Variants in SPAG17 observed in about 807,000 individuals in gnomAD.
SPAG17 encodes sperm-associated antigen 17.
A neutral mutation model predicts 273.6 loss-of-function variants in SPAG17; 169 were observed. The observed-to-expected ratio is 0.62, with a 90% CI of 0.55 to 0.70. The LOEUF is 0.70. Ranked by LOEUF, SPAG17 falls within the 30% of genes least tolerant of loss-of-function variation. SPAG17 has a pLI of 0.00. For synonymous variants in SPAG17, 825 were observed against 873.2 expected (o/e 0.94, Z 0.97); for missense variants, 2,557 against 2,627.8 (o/e 0.97, Z 0.59).
At chr1:118,001,414 C>A (rs968947024) in intron 32 of SPAG17, among the ~76,000 whole-genome samples, 13 of 152,168 alleles carry the variant, frequency 8.5e-5, no homozygotes, top group Admixed American at 6.5e-4. Context: ...CCTTTTTGTG[C>A]CTGTGGTAGA....
At chr1:118,095,934 G>T (rs1042797948) in intron 7 of SPAG17, among the ~76,000 whole-genome samples, 1 of 152,102 alleles carries the variant, frequency 6.6e-6, no homozygotes, top group African/African-American at 2.4e-5. Context: ...TGAAGGGGTG[G>T]GGAGGGGCAA....
At chr1:118,030,894 A>G (rs1648377698) in intron 25 of SPAG17, among the ~76,000 whole-genome samples, 1 of 152,182 alleles carries the variant, frequency 6.6e-6, no homozygotes, top group South Asian at 2.1e-4. Context: ...TAGTGCTACA[A>G]TAAACATACG....
rs1004060023 is a variant in SPAG17 at position 117,981,162 on chromosome 1, G to A, written c.6004+108C>T. 9 of 1,249,270 alleles carry A rather than the reference G, an allele frequency of 7.2e-6. No individual in the cohort carries two copies. The African/African-American group carries it at 9.4e-5, about 13-fold the overall frequency. 77.4% of individuals were successfully genotyped at this position (1,249,270 alleles called of 1,614,324 possible). On this transcript the variant is annotated intron_variant, in intron 43 of 48. Transcript: ENST00000336338. ...TAGCTCCAGGATCCGTGACCCTCTC[G>A]ATTTTTTTCTGTAACTCTCAACCTC...
At chr1:118,060,153 G>C (rs891376939) in intron 18 of SPAG17, among the ~76,000 whole-genome samples, 1 of 151,872 alleles carries the variant, frequency 6.6e-6, no homozygotes, top group Non-Finnish European at 1.5e-5. Flanking sequence ...TTTTTTTGCA[G>C]TGTTATTGTT....
chr1:118,139,252 C>T (rs1231685194), intron 3 of SPAG17, among the ~76,000 whole-genome samples: 1 of 152,086 alleles, frequency 6.6e-6, no homozygotes, highest in African/African-American at 2.4e-5. Context: ...CAAATTAAAA[C>T]CATAATGTGG....
intron 5 of SPAG17, among the ~76,000 whole-genome samples, chr1:118,101,085 G>GCCTA (rs1656036568): frequency 1.3e-5 from 2 of 152,176 alleles, no homozygotes; most frequent in Non-Finnish European, 2.9e-5. Flanking sequence ...TTTGCACTGT[G>GCCTA]TAAATGTGCC....
At position 117,963,869 on chromosome 1, in the gene SPAG17, A is replaced by C; in HGVS notation, c.6602T>G (p.Val2201Gly). 6.2e-7 allele frequency: 1 copy of C among 1,613,980 alleles called. No individual in the cohort carries two copies. The highest frequency in any genetic ancestry group is 8.5e-7 in the Non-Finnish European group (1 of 1,179,874). ...GGAATAAATTGTAGAAGTTCTCTGG[A>C]CCATTGGATTTTCTTTTCCCTGGGG... ...DFPQGKENPMVQRTSTIYSST... is the reference protein window; with the variant it reads ...DFPQGKENPMGQRTSTIYSST... Residue 2201 changes from valine (V) to glycine (G), a missense_variant, in exon 48 of 49, where the codon GTC becomes GGC. By Grantham distance (109) the Val-to-Gly change is moderately radical. Coordinates refer to ENST00000336338, the MANE Select transcript of SPAG17 (RefSeq NM_206996.4).
Position 117,966,360 on chromosome 1 carries a change from G to A in SPAG17, c.6532+249C>T, listed in dbSNP as rs113598797. On this transcript the variant is annotated intron_variant, in intron 47 of 48. Coordinates refer to ENST00000336338, the MANE Select transcript of SPAG17 (RefSeq NM_206996.4). ...GTTTTATTATTCTGTCTGATATTCC[G>A]TAGATAGCCAATAACATTTACATTT... The A allele has an allele frequency of 7.2e-4, 236 of 328,980 alleles. 1 individual carries two copies. The highest frequency in any genetic ancestry group is 4.4e-3 in the African/African-American group (207 of 47,102). 20.4% of individuals were successfully genotyped at this position (328,980 alleles called of 1,614,324 possible).
At chr1:118,096,328 T>C (rs888448257) in intron 7 of SPAG17, among the ~76,000 whole-genome samples, 12 of 150,494 alleles carry the variant, frequency 8.0e-5, no homozygotes, top group Admixed American at 6.7e-4. Flanking sequence ...CAGGCTTTGA[T>C]CTCACTCTTC....
intron 4 of SPAG17, among the ~76,000 whole-genome samples, chr1:118,105,505 G>C (rs1020062665): frequency 1.3e-5 from 2 of 152,126 alleles, no homozygotes; most frequent in African/African-American, 4.8e-5. Context: ...AGAAGAGCAA[G>C]GGGAATCAAG....
chr1:117,997,501 C>G (rs1465931423), intron 32 of SPAG17, among the ~76,000 whole-genome samples: 2 of 149,086 alleles, frequency 1.3e-5, no homozygotes, highest in Non-Finnish European at 3.0e-5. Flanking sequence ...TTGTATAACT[C>G]CAAATCTAAA....
At chr1:118,039,112 G>A (rs539118457) in intron 23 of SPAG17, among the ~76,000 whole-genome samples, 180 bp downstream of exon 23, 5 of 152,184 alleles carry the variant, frequency 3.3e-5, no homozygotes, top group East Asian at 1.9e-4. Flanking sequence ...AAAAGATAAC[G>A]CTTAATATCC....
At chr1:117,997,699 A>C (rs191830226) in intron 32 of SPAG17, among the ~76,000 whole-genome samples, 14 of 152,204 alleles carry the variant, frequency 9.2e-5, no homozygotes, top group African/African-American at 3.1e-4. Context: ...TGTTGCAGCT[A>C]CTCAACTCTG....
chr1:118,055,250 C>T (rs1651533801), intron 19 of SPAG17, among the ~76,000 whole-genome samples: 1 of 152,112 alleles, frequency 6.6e-6, no homozygotes, highest in Non-Finnish European at 1.5e-5. Context: ...CCAAAAATCT[C>T]TTTCCCCATT....
intron 48 of SPAG17, among the ~76,000 whole-genome samples, chr1:117,955,570 G>A (rs1358511974): frequency 2.0e-5 from 3 of 152,004 alleles, no homozygotes; most frequent in African/African-American, 7.2e-5. Context: ...TGCTTTTAAG[G>A]ACAAATAAAG....
chr1:118,063,355 C>CA (rs1402687003), intron 18 of SPAG17, among the ~76,000 whole-genome samples: 13 of 152,112 alleles, frequency 8.5e-5, no homozygotes, highest in African/African-American at 3.1e-4. Context: ...CTACAGTAAC[C>CA]AAAACAGCAT....
intron 19 of SPAG17, among the ~76,000 whole-genome samples, chr1:118,054,844 C>A (rs1571356998): frequency 6.6e-6 from 1 of 152,062 alleles, no homozygotes; most frequent in East Asian, 1.9e-4. Context: ...CATTAACTTG[C>A]TTTTATATGG....
intron 48 of SPAG17, chr1:117,957,255 T>C (rs1244600878): frequency 3.2e-6 from 5 of 1,544,486 alleles, no homozygotes; most frequent in Non-Finnish European, 4.4e-6. Flanking sequence ...CAGTAGTACC[T>C]TAACTGAAGC....
At chr1:118,070,308 C>T (rs942209695) in intron 17 of SPAG17, among the ~76,000 whole-genome samples, 12 of 152,234 alleles carry the variant, frequency 7.9e-5, no homozygotes, top group African/African-American at 2.9e-4. Context: ...TATAGAAAGT[C>T]TCAGGATATG....
Sources: gnomAD v4.1 joint callset for allele counts (sites outside exome capture counted in the v4.1 genomes callset) on GRCh38, gnomAD v4.1.1 for gene constraint, MANE v1.5 for transcripts, NCBI Gene and HGNC (gene_info 2026-07-23, HGNC 2026-07-21) for gene names.